EHBP1: variants seen among roughly 807,000 people sequenced by gnomAD.
The protein encoded by EHBP1 is EH domain-binding protein 1.
A neutral mutation model predicts 144.0 loss-of-function variants in EHBP1; 55 were observed. The ratio of observed to expected loss-of-function variants is 0.38; its 90% CI spans 0.31 to 0.48. EHBP1 has a LOEUF of 0.48. EHBP1 is among the 20% of genes least tolerant of loss of function. EHBP1 has a pLI of 0.98. For synonymous variants in EHBP1, 469 were observed against 472.7 expected (o/e 0.99, Z 0.10); for missense variants, 1,200 against 1,364.2 (o/e 0.88, Z 1.90).
intron 19 of EHBP1, among the ~76,000 whole-genome samples, chr2:63,022,476 A>G (rs2060796331): frequency 6.6e-6 from 1 of 151,652 alleles, no homozygotes; most frequent in Non-Finnish European, 1.5e-5. Flanking sequence ...CACCACACTC[A>G]GGTTATTTTT....
intron 19 of EHBP1, among the ~76,000 whole-genome samples, chr2:63,006,335 A>T: frequency 6.6e-6 from 1 of 152,008 alleles, no homozygotes; most frequent in East Asian, 1.9e-4. Flanking sequence ...AAACAAAAGA[A>T]CTACACCAAA....
chr2:62,903,423 T>G (rs977876568), intron 10 of EHBP1, among the ~76,000 whole-genome samples: 3 of 152,092 alleles, frequency 2.0e-5, no homozygotes, highest in Non-Finnish European at 4.4e-5. Flanking sequence ...AATGAGTGAT[T>G]AAAAATAAAT....
chr2:62,836,037 C>G (rs2047214802), intron 7 of EHBP1, among the ~76,000 whole-genome samples: 1 of 152,030 alleles, frequency 6.6e-6, no homozygotes, highest in African/African-American at 2.4e-5. Flanking sequence ...CCTCTGGGGG[C>G]AGGGCACAGA....
At chr2:62,815,308 A>G (rs182147787) in intron 5 of EHBP1, among the ~76,000 whole-genome samples, 1 of 152,312 alleles carries the variant, frequency 6.6e-6, no homozygotes, top group African/African-American at 2.4e-5. Flanking sequence ...TGCCACTTCT[A>G]TTCTTAGCAT....
intron 10 of EHBP1, among the ~76,000 whole-genome samples, chr2:62,924,873 T>C (rs1456421231): frequency 6.6e-6 from 1 of 152,064 alleles, no homozygotes; most frequent in Non-Finnish European, 1.5e-5. Context: ...AACATTGACA[T>C]CAAAACCAGC....
intron 5 of EHBP1, among the ~76,000 whole-genome samples, chr2:62,792,528 A>G (rs1039050911): frequency 5.9e-5 from 9 of 152,076 alleles, no homozygotes; most frequent in African/African-American, 2.2e-4. Flanking sequence ...TAGATCCTCA[A>G]TGATGTTTGA....
chr2:62,970,500 AGTTTT>A (rs2058450162), intron 14 of EHBP1, among the ~76,000 whole-genome samples: 1 of 152,140 alleles, frequency 6.6e-6, no homozygotes, highest in Admixed American at 6.6e-5. Context: ...ATGTTTTTAA[AGTTTT>A]GTTAAGGCTT....
chr2:62,974,160 T>TTAGACCTC (rs1157219326), intron 14 of EHBP1, among the ~76,000 whole-genome samples: 1 of 152,196 alleles, frequency 6.6e-6, no homozygotes, highest in Non-Finnish European at 1.5e-5. Context: ...CACTTGAATG[T>TTAGACCTC]TAGACCTCTC....
chr2:62,923,057 C>A (rs546404277), intron 10 of EHBP1, among the ~76,000 whole-genome samples: 1 of 152,236 alleles, frequency 6.6e-6, no homozygotes, highest in Non-Finnish European at 1.5e-5. Context: ...GCTCCTGAAG[C>A]ATGGTGACAT....
intron 10 of EHBP1, among the ~76,000 whole-genome samples, chr2:62,933,134 A>C (rs1359813152): frequency 6.6e-6 from 1 of 151,736 alleles, no homozygotes; most frequent in African/African-American, 2.4e-5. Context: ...TAATTTATTT[A>C]AAATTATATT....
chr2:62,865,130 T>G (rs992016109), intron 9 of EHBP1, among the ~76,000 whole-genome samples, 159 bp downstream of exon 9: 3 of 152,212 alleles, frequency 2.0e-5, no homozygotes, highest in Admixed American at 1.3e-4. Context: ...GTCTTAAACC[T>G]TATTCTCCCA....
At chr2:62,919,152 T>C (rs1014403052) in intron 10 of EHBP1, among the ~76,000 whole-genome samples, 56 of 152,198 alleles carry the variant, frequency 3.7e-4, no homozygotes, top group Non-Finnish European at 5.3e-4. Flanking sequence ...TGTTCTCTTA[T>C]TGCTGATTGC....
chr2:62,931,857 A>G (rs1467347535), intron 10 of EHBP1, among the ~76,000 whole-genome samples: 3 of 152,152 alleles, frequency 2.0e-5, no homozygotes, highest in Non-Finnish European at 2.9e-5. Context: ...AATACTATCC[A>G]CAGTTTCAAG....
At chr2:62,788,149 T>C (rs1351380999) in intron 5 of EHBP1, among the ~76,000 whole-genome samples, 1 of 152,160 alleles carries the variant, frequency 6.6e-6, no homozygotes, top group Admixed American at 6.5e-5. Context: ...AATGATGTTT[T>C]TGTAATTATA....
chr2:62,822,968 T>C (rs1236203607), intron 5 of EHBP1, among the ~76,000 whole-genome samples: 1 of 152,134 alleles, frequency 6.6e-6, no homozygotes, highest in Non-Finnish European at 1.5e-5. Flanking sequence ...AATAATTTTG[T>C]GTAAGAACTT....
At chr2:62,990,344 T>G (rs898264784) in intron 15 of EHBP1, among the ~76,000 whole-genome samples, 3 of 152,134 alleles carry the variant, frequency 2.0e-5, no homozygotes, top group African/African-American at 7.2e-5. Context: ...AAAATAATAT[T>G]CAAAATGAAA....
At chr2:62,853,752 T>A (rs1488276041) in intron 7 of EHBP1, among the ~76,000 whole-genome samples, 1 of 152,236 alleles carries the variant, frequency 6.6e-6, no homozygotes, top group Non-Finnish European at 1.5e-5. Flanking sequence ...CCTTGAACTG[T>A]GTGCTGCAGA....
intron 15 of EHBP1, among the ~76,000 whole-genome samples, chr2:62,982,667 T>C (rs2059021632): frequency 6.6e-6 from 1 of 152,134 alleles, no homozygotes; most frequent in African/African-American, 2.4e-5. Context: ...AGGAAGATTT[T>C]CGAAGCAGTA....
chr2:62,695,302 A>G (rs540302777), intron 1 of EHBP1, among the ~76,000 whole-genome samples: 2 of 152,312 alleles, frequency 1.3e-5, no homozygotes, highest in East Asian at 3.9e-4. Context: ...TCGAGGCTGC[A>G]GTGAGCCGTG....
Sources: gnomAD v4.1 joint callset for allele counts (sites outside exome capture counted in the v4.1 genomes callset) on GRCh38, gnomAD v4.1.1 for gene constraint, MANE v1.5 for transcripts, NCBI Gene and HGNC (gene_info 2026-07-23, HGNC 2026-07-21) for gene names.